PTCH1: variants seen among roughly 807,000 people sequenced by gnomAD.
PTCH1 encodes the protein patched 1, also known as protein patched homolog 1.
In PTCH1, 14 loss-of-function variants were observed where a neutral mutation model predicts 144.6. That is an observed-to-expected ratio of 0.10 (90% CI 0.06 to 0.15). PTCH1 has a LOEUF of 0.15. PTCH1 is among the 10% of genes least tolerant of loss of function. PTCH1 has a pLI of 1.00. For synonymous variants in PTCH1, 833 were observed against 793.6 expected (o/e 1.05, Z -0.83); for missense variants, 1,623 against 1,948.3 (o/e 0.83, Z 3.14).
rs890920802 is a variant in PTCH1 at position 95,445,801 on chromosome 9, G to A, written c.*592C>T. Reference sequence around the variant, plus strand: ...ACACGCACAGCCAAACAAGAGGACCGCACACAACGACACCTAGAGAAGCCA... The same window carrying A: ...ACACGCACAGCCAAACAAGAGGACCACACACAACGACACCTAGAGAAGCCA... On this transcript the variant is annotated 3_prime_UTR_variant, in exon 24 of 24. Coordinates refer to ENST00000331920, the MANE Select transcript of PTCH1 (RefSeq NM_000264.5). The A allele has an allele frequency of 6.4e-6, 1 of 155,094 alleles. No homozygotes were observed. The allele number at this position is 155,094 out of a possible 1,614,324, so 9.6% of individuals were successfully genotyped here. A position where few individuals can be genotyped will look rare whatever the true frequency, so the allele number is the denominator to read the frequency against.
intron 20 of PTCH1, chr9:95,450,657 A>G (rs2136612692): frequency 6.5e-6 from 1 of 153,106 alleles, no homozygotes; most frequent in South Asian, 2.1e-4. Flanking sequence ...GGGTGAGGGC[A>G]CTCCACAATG....
chr9:95,454,386 G>T (rs1210622524), intron 19 of PTCH1, among the ~76,000 whole-genome samples: 1 of 152,174 alleles, frequency 6.6e-6, no homozygotes, highest in South Asian at 2.1e-4. Context: ...GAGAGGGCTG[G>T]GTGTCTTTGG....
Position 95,468,891 on chromosome 9 carries a change from T to C in PTCH1, c.2110A>G (p.Ser704Gly), listed in dbSNP as rs1182895378. The C allele has an allele frequency of 1.2e-6, 2 of 1,614,014 alleles. No individual in the cohort carries two copies. The highest frequency in any genetic ancestry group is 1.7e-6 in the Non-Finnish European group (2 of 1,179,994). The change falls in exon 14 of 24, where the codon AGC becomes GGC. Residue 704 changes from serine (S) to glycine (G), a missense_variant. Ser to Gly is a moderately conservative substitution (Grantham distance 56). Coordinates refer to ENST00000331920, the MANE Select transcript of PTCH1 (RefSeq NM_000264.5). ...AGCAGGTCCCTTGTGGAGCTGGTGC[T>C]CTCTGGGCTCTGGCAGCTGAGGGTG... ...QDTLSCQSPE[S>G]TSSTRDLLSQ...
intron 12 of PTCH1, among the ~76,000 whole-genome samples, chr9:95,472,748 G>A (rs1588586790): frequency 6.6e-6 from 1 of 152,194 alleles, no homozygotes; most frequent in East Asian, 1.9e-4. Flanking sequence ...ACCCCAAGCA[G>A]CGTCCCATCT....
At chr9:95,484,786 G>A (rs1841843021) in intron 3 of PTCH1, among the ~76,000 whole-genome samples, 1 of 152,174 alleles carries the variant, frequency 6.6e-6, no homozygotes, top group Non-Finnish European at 1.5e-5. Flanking sequence ...GGTGGCCCCT[G>A]CCCTGTAGTA....
At chr9:95,460,396 G>A (rs1349654834) in intron 16 of PTCH1, among the ~76,000 whole-genome samples, 1 of 152,180 alleles carries the variant, frequency 6.6e-6, no homozygotes, top group Non-Finnish European at 1.5e-5. Flanking sequence ...GGCCAAATGT[G>A]CTCCCTCGGC....
chr9:95,512,225 C>G (rs1182804797), upstream of PTCH1, among the ~76,000 whole-genome samples: 2 of 152,200 alleles, frequency 1.3e-5, no homozygotes, highest in Non-Finnish European at 2.9e-5. Flanking sequence ...ACATTGATCC[C>G]CGGAGCTTTC....
At chr9:95,509,711 C>T (rs1357292039), upstream of PTCH1, among the ~76,000 whole-genome samples, 2 of 152,152 alleles carry the variant, frequency 1.3e-5, no homozygotes. Flanking sequence ...AAAGAAAAGC[C>T]TTTCAGAGGC....
At chr9:95,502,600 C>A (rs957383218) in intron 2 of PTCH1, among the ~76,000 whole-genome samples, 2 of 152,196 alleles carry the variant, frequency 1.3e-5, no homozygotes, top group African/African-American at 4.8e-5. Flanking sequence ...AACACTATAA[C>A]CCTAAAACTC....
chr9:95,478,031 C>T, intron 9 of PTCH1, 24 bp downstream of exon 9: 1 of 1,614,166 alleles, frequency 6.2e-7, no homozygotes. Context: ...CTCCAGCCCC[C>T]AGGAGCATGG....
In PTCH1 at chr9:95,516,743, C is replaced by G. The variant is rs200948177; in HGVS notation, c.-272G>C. ...AACGGAAAGTGTAAAAACCCCGGCG[C>G]GCTGGGCCGCCGGAGGCTTTCGGCG... On this transcript the variant is annotated 5_prime_UTR_variant, in exon 1 of 23. Coordinates refer to the PTCH1 transcript ENST00000430669. 2.4e-4 allele frequency: 388 copies of G among 1,613,296 alleles called. 1 individual carries two copies. Among genetic ancestry groups the G allele is most frequent in the Non-Finnish European group, 5.8e-5 (69 of 1,179,752 alleles).
rs1485556285 is a variant in PTCH1, at chr9:95,476,047, G to A, written c.1715C>T (p.Ala572Val). The A allele has an allele frequency of 3.1e-6, 5 of 1,613,814 alleles. No individual in the cohort carries two copies. Among genetic ancestry groups the A allele is most frequent in the Non-Finnish European group, 4.2e-6 (5 of 1,180,036 alleles). The change falls in exon 12 of 24, where the codon GCG becomes GTG. Residue 572 changes from alanine (A) to valine (V), a missense_variant. By Grantham distance (64) the Ala-to-Val change is moderately conservative. Coordinates refer to ENST00000331920, the MANE Select transcript of PTCH1 (RefSeq NM_000264.5). This position sits in a 1 kb window ranked among gnomAD's most constrained non-coding sequence, Gnocchi z 4.6. ...AALIPIPALR[A>V]FSLQAAVVVV... ...CCAGAAGCTCACCTGGAGGGAGAACGCCCGCAGAGCGGGAATTGGGATTAA... is the reference window on the plus strand; with the variant it reads ...CCAGAAGCTCACCTGGAGGGAGAACACCCGCAGAGCGGGAATTGGGATTAA...
At chr9:95,514,625 T>G (rs1271389852) in intron 1 of PTCH1, 1 of 130,826 alleles carries the variant, frequency 7.6e-6, no homozygotes. Context: ...ATAAAAGGTG[T>G]GTGTGTGTGT....
chr9:95,444,519 A>ACG lies in PTCH1; in HGVS notation c.*1873_*1874insCG, dbSNP rs945331128. 1.3e-5 allele frequency: 2 copies of ACG among 153,418 alleles called. No homozygotes were observed. Among genetic ancestry groups the ACG allele is most frequent in the Non-Finnish European group, 2.9e-5 (2 of 68,952 alleles). 9.5% of individuals were successfully genotyped at this position (153,418 alleles called of 1,614,324 possible). A position where few individuals can be genotyped will look rare whatever the true frequency, so the allele number is the denominator to read the frequency against. Reference sequence around the variant, plus strand: ...CACACACGCACGCACGCACACACACACACACACACCCAGCAGCCACAAGCG... The same window carrying ACG: ...CACACACGCACGCACGCACACACACACGCACACACACCCAGCAGCCACAAGCG... On this transcript the variant is annotated 3_prime_UTR_variant, in exon 24 of 24. Transcript: ENST00000331920.
At position 95,478,955 on chromosome 9, in the gene PTCH1, T is replaced by C. The variant is rs368425450; in HGVS notation, c.1215+45A>G. ...TTTAAATAATGGTGAAAATGAAGAATTGCATAACCAGCGAGTCTGCACGCC... is the reference window on the plus strand; with the variant it reads ...TTTAAATAATGGTGAAAATGAAGAACTGCATAACCAGCGAGTCTGCACGCC... On this transcript the variant is annotated intron_variant, in intron 8 of 23. Coordinates refer to ENST00000331920, the MANE Select transcript of PTCH1 (RefSeq NM_000264.5). 623 of 1,613,170 alleles carry C rather than the reference T, an allele frequency of 3.9e-4. No homozygotes were observed. The highest frequency in any genetic ancestry group is 4.8e-4 in the Non-Finnish European group (571 of 1,179,376).
At position 95,458,024 on chromosome 9, in the gene PTCH1, C is replaced by T. The variant is rs2136659767; in HGVS notation, c.3157G>A (p.Ala1053Thr). Residue 1053 changes from alanine to threonine, a missense_variant, in exon 18 of 24, where the codon GCC becomes ACC. Physicochemically the swap from Ala to Thr is moderately conservative, Grantham distance 58 (BLOSUM62 0). Transcript: ENST00000331920. This position sits in a 1 kb window ranked among gnomAD's most constrained non-coding sequence, Gnocchi z 4.7. ...TATAATACACTCACAATGATCCCGGCCGTCCAGGGGTTCAGAAGGAAGACA... is the reference window on the plus strand; with the variant it reads ...TATAATACACTCACAATGATCCCGGTCGTCCAGGGGTTCAGAAGGAAGACA... ...CAVFLLNPWTAGIIVMVLALM... is the reference protein window; with the variant it reads ...CAVFLLNPWTTGIIVMVLALM... The T allele has an allele frequency of 6.2e-7, 1 of 1,614,116 alleles. No homozygotes were observed. Among genetic ancestry groups the T allele is most frequent in the Non-Finnish European group, 8.5e-7 (1 of 1,180,036 alleles).
intron 2 of PTCH1, among the ~76,000 whole-genome samples, chr9:95,501,001 AG>A (rs1225439414): frequency 2.0e-5 from 3 of 152,180 alleles, no homozygotes; most frequent in Non-Finnish European, 2.9e-5. Flanking sequence ...TAAGAAAAAT[AG>A]TTATCTGGGT....
Position 95,477,689 on chromosome 9 carries a change from C to G in PTCH1, c.1361G>C (p.Cys454Ser), listed in dbSNP as rs1841169171. The change falls in exon 10 of 24, where the codon TGT becomes TCT. Residue 454 changes from cysteine (C) to serine (S), a missense_variant. Cys to Ser is a moderately radical substitution (Grantham distance 112). Around this residue, in one of 7 missense-constraint regions of PTCH1, gnomAD observed 135 missense variants for 228.7 expected, o/e 0.59. Coordinates refer to ENST00000331920, the MANE Select transcript of PTCH1 (RefSeq NM_000264.5). ...SGYLLMLAYA[C>S]LTMLRWDCSK... is the part of the protein sequence containing the mutation. Reference sequence around the variant, plus strand: ...GCAGTCCCAGCGCAGCATGGTTAGACAGGCATAGGCGAGCTGCAAGCAGAA... The same window carrying G: ...GCAGTCCCAGCGCAGCATGGTTAGAGAGGCATAGGCGAGCTGCAAGCAGAA... 6.2e-7 allele frequency: 1 copy of G among 1,614,076 alleles called. No homozygotes were observed.
intron 2 of PTCH1, chr9:95,494,357 C>T (rs1266886121): frequency 1.0e-6 from 1 of 985,580 alleles, no homozygotes; most frequent in Non-Finnish European, 1.2e-6. Flanking sequence ...CAAGGAGCCA[C>T]GAGTTCCCGA....
Sources: allele counts gnomAD v4.1 joint callset (sites outside exome capture counted in the v4.1 genomes callset), GRCh38; gene constraint gnomAD v4.1.1; regional missense constraint gnomAD v4.1.1; non-coding constraint Gnocchi (gnomAD v3.1); transcripts MANE v1.5; gene names NCBI Gene and HGNC (gene_info 2026-07-23, HGNC 2026-07-21).